Variants in SLIT3 observed in about 807,000 individuals in gnomAD.
SLIT3 encodes slit guidance ligand 3, also known as slit homolog 3 protein.
SLIT3 carries 68 observed loss-of-function variants against 184.0 expected under a neutral mutation model. The ratio of observed to expected loss-of-function variants is 0.37; its 90% CI spans 0.30 to 0.45. The LOEUF (loss-of-function observed/expected upper bound fraction) is 0.45, where lower values mean the gene tolerates loss of function less well. SLIT3 is among the 20% of genes least tolerant of loss of function. The probability of loss-of-function intolerance (pLI) is 1.00; values close to 1 mark genes in which losing one functional copy is unlikely to be tolerated. For missense variants in SLIT3, 1,707 were observed against 2,026.0 expected (o/e 0.84, Z 3.02); for synonymous variants, 831 against 828.6 (o/e 1.00, Z -0.05).
At chr5:169,286,673 A>T (rs902064487) in intron 1 of SLIT3, among the ~76,000 whole-genome samples, 23 of 152,098 alleles carry the variant, frequency 1.5e-4, no homozygotes, top group African/African-American at 2.4e-5. Flanking sequence ...CCACTACACC[A>T]TGCTGCAGTT....
chr5:168,755,394 T>TTTCTTTCTTTCTTTCTTTC, intron 16 of SLIT3, among the ~76,000 whole-genome samples: 1 of 8,712 alleles, frequency 1.1e-4, no homozygotes, highest in South Asian at 3.3e-3. Flanking sequence ...CCGCCATTTC[T>TTTCTTTCTTTCTTTCTTTC]TTCTTTCTTT....
At chr5:169,212,608 CTTTAG>C (rs1192120009) in intron 3 of SLIT3, among the ~76,000 whole-genome samples, 2 of 152,126 alleles carry the variant, frequency 1.3e-5, no homozygotes, top group South Asian at 2.1e-4. Context: ...TGCAGAAGCT[CTTTAG>C]TTTAATTAGA....
intron 4 of SLIT3, among the ~76,000 whole-genome samples, chr5:168,979,401 T>A (rs1581264225): frequency 6.6e-6 from 1 of 152,122 alleles, no homozygotes; most frequent in African/African-American, 2.4e-5. Context: ...TTGGCTGGGG[T>A]ACCACTGTGA....
chr5:168,913,866 T>G (rs1761346625), intron 4 of SLIT3, among the ~76,000 whole-genome samples: 1 of 152,226 alleles, frequency 6.6e-6, no homozygotes, highest in Non-Finnish European at 1.5e-5. Flanking sequence ...TAATATTTTC[T>G]TATATATCTT....
At chr5:168,969,687 C>T (rs936922610) in intron 4 of SLIT3, among the ~76,000 whole-genome samples, 13 of 152,280 alleles carry the variant, frequency 8.5e-5, no homozygotes, top group Middle Eastern at 3.4e-3. Flanking sequence ...TAAATGGGAA[C>T]GAGACACCTT....
chr5:168,761,921 A>AAATTT (rs1554139194), intron 15 of SLIT3, among the ~76,000 whole-genome samples: 1 of 110,472 alleles, frequency 9.1e-6, no homozygotes, highest in African/African-American at 3.6e-5. Context: ...AAAAAAAAAA[A>AAATTT]TTTTTTTTTT....
chr5:168,896,793 G>A (rs1411779552), intron 4 of SLIT3, among the ~76,000 whole-genome samples: 3 of 152,200 alleles, frequency 2.0e-5, no homozygotes, highest in African/African-American at 4.8e-5. Context: ...GAAGGGCGTC[G>A]GTGGGACAGT....
intron 2 of SLIT3, among the ~76,000 whole-genome samples, chr5:169,246,244 C>T (rs1765585738): frequency 6.6e-6 from 1 of 152,196 alleles, no homozygotes; most frequent in Non-Finnish European, 1.5e-5. Flanking sequence ...CCACAGTTTG[C>T]CATGTCCTCA....
Position 169,197,610 on chromosome 5 carries a change from C to T in SLIT3, c.342-4060G>A, listed in dbSNP as rs1394221733. ...GGGTCCAGAGGTGGAGATCTCCTGC[C>T]ATAGTTCAAGCTGGAAGTAAATCCA... On this transcript the variant is annotated intron_variant, in intron 3 of 35. Transcript: ENST00000519560. Among the ~76,000 whole-genome samples the T allele has an allele frequency of 2.6e-5, 4 of 151,314 alleles. No individual in the cohort carries two copies. In the East Asian group the frequency reaches 7.8e-4, roughly 30 times the overall value.
At chr5:168,694,916 C>T (rs1279664805) in intron 28 of SLIT3, among the ~76,000 whole-genome samples, 1 of 152,170 alleles carries the variant, frequency 6.6e-6, no homozygotes, top group Non-Finnish European at 1.5e-5. Context: ...ACTGCATCCG[C>T]CCCCACAGCA....
intron 4 of SLIT3, among the ~76,000 whole-genome samples, chr5:169,145,142 A>T (rs777635285): frequency 1.8e-4 from 28 of 152,176 alleles, no homozygotes; most frequent in Non-Finnish European, 3.7e-4. Flanking sequence ...AGGCATCGTC[A>T]TTATGGTTGT....
At chr5:169,163,503 GGT>G (rs1218411187) in intron 4 of SLIT3, among the ~76,000 whole-genome samples, 1 of 152,112 alleles carries the variant, frequency 6.6e-6, no homozygotes, top group Non-Finnish European at 1.5e-5. Context: ...TTAATCAATG[GGT>G]GTTTGGAATG....
At chr5:169,006,534 G>T (rs1260014975) in intron 4 of SLIT3, among the ~76,000 whole-genome samples, 1 of 151,142 alleles carries the variant, frequency 6.6e-6, no homozygotes, top group Non-Finnish European at 1.5e-5. Context: ...ATCTTCCATT[G>T]CAGACCAATT....
chr5:169,135,893 C>T (rs1309794349), intron 4 of SLIT3, among the ~76,000 whole-genome samples: 3 of 152,196 alleles, frequency 2.0e-5, no homozygotes, highest in African/African-American at 7.2e-5. Flanking sequence ...AAACTTTAGG[C>T]CACAGCCTTG....
At chr5:168,777,190 T>A (rs1037937770) in intron 12 of SLIT3, among the ~76,000 whole-genome samples, 4 of 152,274 alleles carry the variant, frequency 2.6e-5, no homozygotes, top group Non-Finnish European at 5.9e-5. Flanking sequence ...CTAGGTTCCC[T>A]GGAGGCAGCC....
chr5:168,995,870 A>G (rs1755492595), intron 4 of SLIT3, among the ~76,000 whole-genome samples: 1 of 152,202 alleles, frequency 6.6e-6, no homozygotes, highest in Non-Finnish European at 1.5e-5. Flanking sequence ...GTTCTCATAC[A>G]AAGCTTCAGC....
At chr5:168,856,983 T>TG (rs113774136) in intron 5 of SLIT3, among the ~76,000 whole-genome samples, 14 of 151,254 alleles carry the variant, frequency 9.3e-5, no homozygotes, top group East Asian at 3.9e-4. Flanking sequence ...GAAGGGATGG[T>TG]GGGGGGGCCT....
intron 4 of SLIT3, among the ~76,000 whole-genome samples, chr5:169,091,712 T>C (rs541498897): frequency 2.0e-5 from 3 of 152,298 alleles, no homozygotes; most frequent in Admixed American, 6.5e-5. Context: ...TGGCTGCTCC[T>C]TGCCTGGCTC....
chr5:168,714,774 C>A (rs62377324), intron 23 of SLIT3, among the ~76,000 whole-genome samples: 1 of 152,068 alleles, frequency 6.6e-6, no homozygotes, highest in Non-Finnish European at 1.5e-5. Flanking sequence ...TTTCTCCTCC[C>A]CTTCTCCCTG....
Sources: gnomAD v4.1 joint callset for allele counts (sites outside exome capture counted in the v4.1 genomes callset) on GRCh38, gnomAD v4.1.1 for gene constraint, MANE v1.5 for transcripts, NCBI Gene and HGNC (gene_info 2026-07-23, HGNC 2026-07-21) for gene names.